Variants in AGBL3 observed in about 807,000 individuals in gnomAD.
The protein encoded by AGBL3 is cytosolic carboxypeptidase 3.
Under a neutral mutation model 94.5 loss-of-function variants are expected in AGBL3, and 68 were observed. The observed-to-expected ratio is 0.72, with a 90% confidence interval of 0.59 to 0.88. The LOEUF (loss-of-function observed/expected upper bound fraction) is 0.88. Ranked by LOEUF, AGBL3 falls within the 40% of genes least tolerant of loss-of-function variation. The pLI is 0.00. For synonymous variants in AGBL3, 354 were observed against 370.7 expected (o/e 0.95, Z 0.52); for missense variants, 934 against 1,103.8 (o/e 0.85, Z 2.18).
intron 16 of AGBL3, among the ~76,000 whole-genome samples, chr7:135,133,160 T>C (rs1829031443): frequency 6.6e-6 from 1 of 152,158 alleles, no homozygotes. Flanking sequence ...ACAAAATTAA[T>C]TGCTCTTCTA....
intron 12 of AGBL3, among the ~76,000 whole-genome samples, chr7:135,074,350 A>G (rs1183186892): frequency 6.6e-6 from 1 of 152,140 alleles, no homozygotes; most frequent in Non-Finnish European, 1.5e-5. Context: ...TATTTGACAA[A>G]CCCTCATAGC....
At chr7:135,014,745 C>T (rs1402742259) in intron 4 of AGBL3, among the ~76,000 whole-genome samples, 5 of 152,156 alleles carry the variant, frequency 3.3e-5, no homozygotes, top group Non-Finnish European at 7.3e-5. Context: ...AAGCAAAAAC[C>T]TTCACAAGGT....
At chr7:135,006,787 G>T (rs1812445328) in intron 4 of AGBL3, among the ~76,000 whole-genome samples, 1 of 151,866 alleles carries the variant, frequency 6.6e-6, no homozygotes, top group African/African-American at 2.4e-5. Context: ...TGCTATAGTT[G>T]CAAACAGTTT....
At chr7:135,059,311 A>G in intron 12 of AGBL3, 76 bp downstream of exon 12, 1 of 797,606 alleles carries the variant, frequency 1.3e-6, no homozygotes, top group African/African-American at 3.4e-5. Context: ...TAATCAGGCA[A>G]AAAAAATTGC....
chr7:134,993,686 T>C lies in AGBL3; in HGVS notation c.310+8T>C, dbSNP rs1810603391. On this transcript the variant is annotated splice_region_variant and intron_variant, in intron 4 of 16. Transcript: ENST00000436302. The stretch of plus-strand genomic sequence containing the variant: ...AAAAAGTCCAGCATATTGGTATGTT[T>C]TTAGCAGTTTGGGGGATTCAGACAT... 1.3e-6 allele frequency: 2 copies of C among 1,535,748 alleles called. No individual in the cohort carries two copies. The highest frequency in any genetic ancestry group is 4.1e-5 in the Admixed American group (2 of 49,054).
intron 11 of AGBL3, 95 bp downstream of exon 11, chr7:135,046,006 A>C: frequency 1.1e-6 from 1 of 871,626 alleles, no homozygotes; most frequent in Non-Finnish European, 1.8e-6. Context: ...TCTCAACTGA[A>C]AATCCCAACT....
chr7:135,104,611 A>G (rs988685292), intron 15 of AGBL3, among the ~76,000 whole-genome samples: 10 of 152,136 alleles, frequency 6.6e-5, no homozygotes, highest in Non-Finnish European at 1.0e-4. Context: ...ACTTTTTAAT[A>G]ATAGTCATTC....
At chr7:135,053,009 C>CA (rs1260528675) in intron 11 of AGBL3, among the ~76,000 whole-genome samples, 1 of 152,118 alleles carries the variant, frequency 6.6e-6, no homozygotes, top group African/African-American at 2.4e-5. Context: ...CTTACATGTG[C>CA]AGAAATATTA....
chr7:135,022,742 A>G (rs987422355), intron 5 of AGBL3, among the ~76,000 whole-genome samples: 14 of 152,040 alleles, frequency 9.2e-5, no homozygotes, highest in Non-Finnish European at 1.8e-4. Context: ...GCCCATGCCT[A>G]TGTTCTTAAT....
intron 12 of AGBL3, among the ~76,000 whole-genome samples, chr7:135,066,749 G>C (rs1314131791): frequency 6.6e-6 from 1 of 152,054 alleles, no homozygotes; most frequent in Non-Finnish European, 1.5e-5. Context: ...AAAGATGAGG[G>C]GGGATTTTAG....
At chr7:135,010,963 GA>G (rs1306111726) in intron 4 of AGBL3, 3 of 152,062 alleles carry the variant, frequency 2.0e-5, no homozygotes, top group African/African-American at 7.2e-5. Flanking sequence ...TATAGAAATT[GA>G]CAAGGTACTT....
chr7:135,047,921 C>T (rs1031611555), intron 11 of AGBL3, among the ~76,000 whole-genome samples: 9 of 151,758 alleles, frequency 5.9e-5, no homozygotes, highest in African/African-American at 2.2e-4. Flanking sequence ...CTTTTGGTGT[C>T]GTATCTATGA....
chr7:135,058,707 C>A (rs1230512260), intron 11 of AGBL3, among the ~76,000 whole-genome samples: 1 of 152,084 alleles, frequency 6.6e-6, no homozygotes, highest in Non-Finnish European at 1.5e-5. Flanking sequence ...TCAACAAAAA[C>A]CCTCTAAGCT....
At chr7:135,123,709 A>G (rs1479231890) in intron 16 of AGBL3, among the ~76,000 whole-genome samples, 1 of 152,202 alleles carries the variant, frequency 6.6e-6, no homozygotes, top group Admixed American at 6.5e-5. Flanking sequence ...CAGAAACTCT[A>G]CAAGCCAGAA....
intron 4 of AGBL3, among the ~76,000 whole-genome samples, chr7:135,001,290 A>G (rs887135535): frequency 1.3e-5 from 2 of 152,136 alleles, no homozygotes; most frequent in Non-Finnish European, 2.9e-5. Context: ...TGCCATGTCA[A>G]AGAGTCCCAG....
chr7:135,070,347 A>T (rs551948615), intron 12 of AGBL3, among the ~76,000 whole-genome samples: 1 of 152,334 alleles, frequency 6.6e-6, no homozygotes, highest in Admixed American at 6.5e-5. Flanking sequence ...TCACTAGAAA[A>T]AGAGGGAATC....
At chr7:135,016,030 CAAAAAAAAAA>C (rs5887720) in intron 4 of AGBL3, among the ~76,000 whole-genome samples, 131,451 of 141,348 alleles carry the variant, frequency 0.93, 61,366 homozygotes, top group Non-Finnish European at 1. Context: ...CACTCCATCT[CAAAAAAAAAA>C]AAAAAAAAAA....
intron 14 of AGBL3, 102 bp downstream of exon 14, chr7:135,080,362 G>A: frequency 1.0e-5 from 9 of 859,934 alleles, no homozygotes; most frequent in Middle Eastern, 2.3e-4. Context: ...TTGGTGCTAG[G>A]GATATTAAAT....
At chr7:135,129,027 C>T in intron 16 of AGBL3, 1 of 1,608,416 alleles carries the variant, frequency 6.2e-7, no homozygotes, top group Non-Finnish European at 8.5e-7. Flanking sequence ...CTTTGAAATC[C>T]AGATCAGAGA....
Sources: gnomAD v4.1 joint callset for allele counts (sites outside exome capture counted in the v4.1 genomes callset) on GRCh38, gnomAD v4.1.1 for gene constraint, MANE v1.5 for transcripts, NCBI Gene and HGNC (gene_info 2026-07-23, HGNC 2026-07-21) for gene names.